PACS1: variants seen among roughly 807,000 people sequenced by gnomAD.
The protein encoded by PACS1 is phosphofurin acidic cluster sorting protein 1, also known as PACS-1.
PACS1 carries 24 observed loss-of-function variants against 115.0 expected under a neutral mutation model. The observed-to-expected ratio is 0.21, with a 90% CI of 0.15 to 0.29. PACS1 has a LOEUF of 0.29. Ranked by LOEUF, PACS1 falls within the 10% of genes least tolerant of loss-of-function variation. PACS1 has a pLI of 1.00. For synonymous variants in PACS1, 453 were observed against 504.5 expected (o/e 0.90, Z 1.37); for missense variants, 838 against 1,251.2 (o/e 0.67, Z 4.98).
chr11:66,149,532 T>C (rs539514483), intron 1 of PACS1, among the ~76,000 whole-genome samples: 1 of 152,326 alleles, frequency 6.6e-6, no homozygotes, highest in South Asian at 2.1e-4. Context: ...TTTCAAACTA[T>C]TACTTTAAAA....
At chr11:66,155,412 C>A (rs1380082710) in intron 1 of PACS1, among the ~76,000 whole-genome samples, 3 of 152,010 alleles carry the variant, frequency 2.0e-5, no homozygotes, top group African/African-American at 7.3e-5. Context: ...TAATAGTAAC[C>A]CCATTTTTTA....
intron 4 of PACS1, among the ~76,000 whole-genome samples, chr11:66,214,780 C>A (rs910193155): frequency 3.9e-5 from 6 of 151,910 alleles, no homozygotes; most frequent in Non-Finnish European, 7.4e-5. Context: ...CGCCACCACA[C>A]CCAGCTGATT....
Position 66,230,937 on chromosome 11 carries a change from G to A in PACS1, c.1623G>A (p.Thr541=), listed in dbSNP as rs200688409. ...SERSPDLGHS[T]QIPRKVVYDQ... ...GCTCCCCAGATCTGGGCCACAGCACGCAGGTACTTCTGGGTGCCCCCAAAA... is the reference window on the plus strand; with the variant it reads ...GCTCCCCAGATCTGGGCCACAGCACACAGGTACTTCTGGGTGCCCCCAAAA... The change falls in exon 13 of 24, where the codon ACG becomes ACA. Residue 541 remains threonine, a synonymous_variant. Coordinates refer to ENST00000320580, the MANE Select transcript of PACS1 (RefSeq NM_018026.4). 1.8e-4 allele frequency: 294 copies of A among 1,613,998 alleles called. No homozygotes were observed. The highest frequency in any genetic ancestry group is 2.4e-4 in the Non-Finnish European group (279 of 1,180,026).
At chr11:66,195,890 G>C (rs951885331) in intron 2 of PACS1, among the ~76,000 whole-genome samples, 1 of 152,158 alleles carries the variant, frequency 6.6e-6, no homozygotes, top group Admixed American at 6.5e-5. Context: ...ACTTCCAGGG[G>C]GTACAGGAGG....
intron 1 of PACS1, among the ~76,000 whole-genome samples, chr11:66,126,108 C>T (rs1858565921): frequency 6.6e-6 from 1 of 151,578 alleles, no homozygotes; most frequent in South Asian, 2.1e-4. Flanking sequence ...CAGTAGTCCA[C>T]TTTATGTGTT....
intron 2 of PACS1, among the ~76,000 whole-genome samples, chr11:66,204,458 A>G (rs183289304): frequency 5.3e-5 from 8 of 152,308 alleles, no homozygotes; most frequent in Admixed American, 2.0e-4. Flanking sequence ...GTAAGTTAGT[A>G]TAGCGAATAT....
intron 1 of PACS1, among the ~76,000 whole-genome samples, chr11:66,155,016 C>T (rs1053573488): frequency 3.3e-5 from 5 of 152,190 alleles, no homozygotes; most frequent in Non-Finnish European, 2.9e-5. Flanking sequence ...AGCAAAGGTC[C>T]TGAGGCAATT....
At chr11:66,224,968 G>A (rs17494956) in intron 10 of PACS1, among the ~76,000 whole-genome samples, 8,642 of 152,142 alleles carry the variant, frequency 0.057, 393 homozygotes, top group Non-Finnish European at 0.078. Flanking sequence ...CTCCTGATAC[G>A]AATTATTCCA....
intron 1 of PACS1, among the ~76,000 whole-genome samples, chr11:66,137,583 T>C (rs1027060943): frequency 2.0e-5 from 3 of 152,242 alleles, no homozygotes; most frequent in African/African-American, 7.2e-5. Context: ...CAGGATGGTC[T>C]GACTCTGCTC....
rs147328788 is a variant in PACS1, at chr11:66,235,413, A to T, written c.2207+10A>T. 4.3e-5 allele frequency: 68 copies of T among 1,596,840 alleles called. 1 individual carries two copies. The highest frequency in any genetic ancestry group is 3.8e-4 in the Admixed American group (23 of 59,886). On this transcript the variant is annotated intron_variant, in intron 18 of 23. Coordinates refer to ENST00000320580, the MANE Select transcript of PACS1 (RefSeq NM_018026.4). This position sits in a 1 kb window ranked among gnomAD's most constrained non-coding sequence, Gnocchi z 5.6. ...CTTGCCGGCATAAGTTGTAAGTTTG[A>T]CTTTGAGGGGTTTCTTAAAAATAGG...
At chr11:66,120,103 T>C (rs1858404213) in intron 1 of PACS1, among the ~76,000 whole-genome samples, 1 of 151,812 alleles carries the variant, frequency 6.6e-6, no homozygotes, top group South Asian at 2.1e-4. Flanking sequence ...TTGGCACTAA[T>C]AGGTATTTAA....
At chr11:66,195,215 AAAC>A (rs927897748) in intron 2 of PACS1, among the ~76,000 whole-genome samples, 2 of 152,210 alleles carry the variant, frequency 1.3e-5, no homozygotes, top group Admixed American at 6.5e-5. Flanking sequence ...CTCCATCTCA[AAAC>A]AACAACAACA....
At chr11:66,098,616 A>G (rs1161461297) in intron 1 of PACS1, among the ~76,000 whole-genome samples, 2 of 152,162 alleles carry the variant, frequency 1.3e-5, no homozygotes, top group Non-Finnish European at 2.9e-5. Context: ...CTATTGTCCA[A>G]TCTATTGACC....
intron 1 of PACS1, among the ~76,000 whole-genome samples, chr11:66,110,653 A>G (rs1212494309): frequency 2.0e-5 from 3 of 151,796 alleles, no homozygotes; most frequent in Admixed American, 2.0e-4. Flanking sequence ...GCTCACTACT[A>G]CAGCCTCTGC....
At chr11:66,188,805 G>A (rs1590806711) in intron 1 of PACS1, among the ~76,000 whole-genome samples, 1 of 152,298 alleles carries the variant, frequency 6.6e-6, no homozygotes. Context: ...TCCATCAAAT[G>A]TGTGCAAATG....
intron 1 of PACS1, among the ~76,000 whole-genome samples, chr11:66,108,239 A>G (rs1053472679): frequency 3.3e-5 from 5 of 152,212 alleles, no homozygotes; most frequent in African/African-American, 9.6e-5. Flanking sequence ...GCAGACGGGC[A>G]CATTCTAGGT....
chr11:66,162,748 G>A (rs1859521253), intron 1 of PACS1, among the ~76,000 whole-genome samples: 1 of 152,232 alleles, frequency 6.6e-6, no homozygotes, highest in South Asian at 2.1e-4. Context: ...TTGTCAATGG[G>A]AAAATTATTT....
intron 2 of PACS1, among the ~76,000 whole-genome samples, chr11:66,207,115 T>C (rs1033174007): frequency 2.0e-5 from 3 of 152,070 alleles, no homozygotes; most frequent in African/African-American, 7.2e-5. Flanking sequence ...CACCCACAAA[T>C]ATGTCGATAT....
At chr11:66,073,408 A>G (rs1204242116) in intron 1 of PACS1, among the ~76,000 whole-genome samples, 1 of 152,216 alleles carries the variant, frequency 6.6e-6, no homozygotes, top group Admixed American at 6.5e-5. Flanking sequence ...AAATGTAAAC[A>G]TGATTGTGGA....
Sources: allele counts gnomAD v4.1 joint callset (sites outside exome capture counted in the v4.1 genomes callset), GRCh38; gene constraint gnomAD v4.1.1; non-coding constraint Gnocchi (gnomAD v3.1); transcripts MANE v1.5; gene names NCBI Gene and HGNC (gene_info 2026-07-23, HGNC 2026-07-21).